The following AKAP6 variants were observed in gnomAD, a reference collection of about 807,000 sequenced individuals.
AKAP6 encodes the protein A-kinase anchoring protein 6, also known as A-kinase anchor protein 6.
In AKAP6, 58 loss-of-function variants were observed where a neutral mutation model predicts 188.5. The observed-to-expected ratio is 0.31, with a 90% CI of 0.25 to 0.38. AKAP6 has a LOEUF of 0.38. Among genes scored for constraint, AKAP6 ranks in the 10% least tolerant of loss-of-function variants. AKAP6 has a pLI of 1.00. For missense variants in AKAP6, 2,710 were observed against 2,740.0 expected (o/e 0.99, Z 0.24); for synonymous variants, 989 against 998.6 (o/e 0.99, Z 0.18).
rs998840816 is a variant in AKAP6 at position 32,837,629 on chromosome 14, A to G, written c.*7824A>G. On this transcript the variant is annotated 3_prime_UTR_variant, in exon 14 of 14. Coordinates refer to ENST00000280979, the MANE Select transcript of AKAP6 (RefSeq NM_004274.5). ...GTTTCATTTTAAAGTGTCTTTTTAT[A>G]TAGAAAGCCAAGTTGGTGGAATTTA... The G allele has an allele frequency of 4.6e-5, 7 of 152,232 alleles. No individual in the cohort carries two copies. The highest frequency in any genetic ancestry group is 1.7e-4 in the African/African-American group (7 of 41,466). 9.4% of individuals were successfully genotyped at this position (152,232 alleles called of 1,614,324 possible). A position where few individuals can be genotyped will look rare whatever the true frequency, so the allele number is the denominator to read the frequency against.
At chr14:32,760,007 C>A (rs1458252103) in intron 11 of AKAP6, among the ~76,000 whole-genome samples, 4 of 152,330 alleles carry the variant, frequency 2.6e-5, no homozygotes, top group African/African-American at 9.6e-5. Flanking sequence ...GTTACATTTT[C>A]AATCTTGTTT....
chr14:32,421,769 G>A (rs1889858650), intron 1 of AKAP6, among the ~76,000 whole-genome samples: 1 of 152,122 alleles, frequency 6.6e-6, no homozygotes, highest in Non-Finnish European at 1.5e-5. Context: ...TCACTGTAGG[G>A]TAATCTGGAT....
chr14:32,785,233 G>A (rs1478251751), intron 12 of AKAP6, among the ~76,000 whole-genome samples: 1 of 152,022 alleles, frequency 6.6e-6, no homozygotes, highest in East Asian at 1.9e-4. Context: ...AGAAATACAT[G>A]AATAGAATTA....
At chr14:32,480,864 C>G (rs1433232521) in intron 2 of AKAP6, among the ~76,000 whole-genome samples, 1 of 152,064 alleles carries the variant, frequency 6.6e-6, no homozygotes, top group Non-Finnish European at 1.5e-5. Flanking sequence ...CTTCAACACA[C>G]AATTCATATT....
At chr14:32,469,323 T>C (rs1292484661) in intron 2 of AKAP6, among the ~76,000 whole-genome samples, 1 of 152,086 alleles carries the variant, frequency 6.6e-6, no homozygotes, top group Non-Finnish European at 1.5e-5. Context: ...TCACTAGCAT[T>C]CCCCCAAGTA....
chr14:32,783,823 C>G (rs2033323761), intron 12 of AKAP6, among the ~76,000 whole-genome samples: 1 of 152,120 alleles, frequency 6.6e-6, no homozygotes, highest in African/African-American at 2.4e-5. Flanking sequence ...AACCTGGGAG[C>G]TCTGGCTTCA....
chr14:32,567,002 A>C (rs779752945), intron 4 of AKAP6, among the ~76,000 whole-genome samples: 2 of 152,108 alleles, frequency 1.3e-5, no homozygotes, highest in Non-Finnish European at 2.9e-5. Context: ...GAGCTCCTGC[A>C]GCCTGGAACT....
At position 32,829,902 on chromosome 14, in the gene AKAP6, C is replaced by G; in HGVS notation, c.*97C>G. The G allele has an allele frequency of 1.4e-6, 1 of 702,784 alleles. No individual in the cohort carries two copies. The highest frequency in any genetic ancestry group is 2.7e-5 in the East Asian group (1 of 37,288). The allele number at this position is 702,784 out of a possible 1,614,324, so 43.5% of individuals were successfully genotyped here. A position where few individuals can be genotyped will look rare whatever the true frequency, so the allele number is the denominator to read the frequency against. On this transcript the variant is annotated 3_prime_UTR_variant, in exon 14 of 14. Transcript: ENST00000280979. Reference sequence around the variant, plus strand: ...TCATCCTCCCGCCCTGGGCTGGCCTCTGGTTCCATCACGTTTGTCACTGCC... The same window carrying G: ...TCATCCTCCCGCCCTGGGCTGGCCTGTGGTTCCATCACGTTTGTCACTGCC...
At chr14:32,337,622 G>T (rs1347308584) in intron 1 of AKAP6, among the ~76,000 whole-genome samples, 1 of 151,834 alleles carries the variant, frequency 6.6e-6, no homozygotes, top group Non-Finnish European at 1.5e-5. Context: ...TGCACAATAT[G>T]CAGATTTGTT....
At chr14:32,662,272 G>C (rs1888737221) in intron 7 of AKAP6, among the ~76,000 whole-genome samples, 1 of 152,038 alleles carries the variant, frequency 6.6e-6, no homozygotes. Context: ...TAGAATGTTT[G>C]TCATTTTAAA....
chr14:32,699,909 C>T (rs753345733), intron 9 of AKAP6, among the ~76,000 whole-genome samples: 16 of 152,186 alleles, frequency 1.1e-4, no homozygotes, highest in South Asian at 2.1e-4. Flanking sequence ...AGAGTTACGA[C>T]GCCAGAATTC....
chr14:32,481,578 G>A (rs904734938), intron 2 of AKAP6, among the ~76,000 whole-genome samples: 11 of 152,212 alleles, frequency 7.2e-5, no homozygotes, highest in African/African-American at 1.4e-4. Flanking sequence ...TTATAAAACC[G>A]TCAGATCTTA....
rs2139157056 is a variant in AKAP6 at position 32,546,625 on chromosome 14, C to G, written c.1972C>G (p.Pro658Ala). ...CCTAACAAAGCTTCTGCCTCAGAAA[C>G]CCAGAGGAGAAACCATCCAGAATAT... ...ENLTKLLPQK[P>A]RGETIQNIDD... The change falls in exon 4 of 14, where the codon CCC becomes GCC. Residue 658 changes from proline (P) to alanine (A), a missense_variant. Physicochemically the swap from Pro to Ala is conservative, Grantham distance 27. Transcript: ENST00000280979. The G allele has an allele frequency of 6.2e-7, 1 of 1,614,114 alleles. No individual in the cohort carries two copies. Among genetic ancestry groups the G allele is most frequent in the South Asian group, 1.1e-5 (1 of 91,082 alleles).
chr14:32,738,821 T>G (rs1319917240), intron 11 of AKAP6, among the ~76,000 whole-genome samples: 1 of 152,164 alleles, frequency 6.6e-6, no homozygotes, highest in East Asian at 1.9e-4. Context: ...ATAATCTCTG[T>G]ATGAATTACT....
At position 32,526,986 on chromosome 14, in the gene AKAP6, C is replaced by T. The variant is rs537287854; in HGVS notation, c.325-8568C>T. 6.6e-5 allele frequency among the ~76,000 whole-genome samples: 10 copies of T among 152,268 alleles called. No individual in the cohort carries two copies. In the East Asian group the frequency reaches 1.9e-3, roughly 29 times the overall value. Reference sequence around the variant, plus strand: ...ATTATCACCCCAATTCCATAGTGTACATAGTGTACATTGGGTTCACTCTGT... The same window carrying T: ...ATTATCACCCCAATTCCATAGTGTATATAGTGTACATTGGGTTCACTCTGT... On this transcript the variant is annotated intron_variant, in intron 2 of 13. Transcript: ENST00000280979.
At chr14:32,368,767 A>G (rs1887914608) in intron 1 of AKAP6, among the ~76,000 whole-genome samples, 1 of 152,236 alleles carries the variant, frequency 6.6e-6, no homozygotes, top group East Asian at 1.9e-4. Context: ...CCTACTATGT[A>G]CTAGGTGCTG....
chr14:32,655,309 C>A (rs1888409773), intron 7 of AKAP6, among the ~76,000 whole-genome samples: 1 of 152,180 alleles, frequency 6.6e-6, no homozygotes. Context: ...GATTTCTCCA[C>A]TAGAGCGTAG....
intron 2 of AKAP6, among the ~76,000 whole-genome samples, chr14:32,440,587 C>T (rs1278341566): frequency 6.6e-6 from 1 of 152,060 alleles, no homozygotes; most frequent in East Asian, 1.9e-4. Context: ...TAGGCCATTC[C>T]CAACTTTCTT....
Position 32,746,839 on chromosome 14 carries a change from G to T in AKAP6, c.3372+10957G>T, listed in dbSNP as rs117526373. Among the ~76,000 whole-genome samples the T allele has an allele frequency of 1.4e-3, 211 of 152,262 alleles. 1 individual carries two copies. The highest frequency in any genetic ancestry group is 3.4e-3 in the Middle Eastern group (1 of 294). On this transcript the variant is annotated intron_variant, in intron 11 of 13. Coordinates refer to ENST00000280979, the MANE Select transcript of AKAP6 (RefSeq NM_004274.5). ...AGAAAAGCACATAGTTTGCTCTTTT[G>T]TTCCTTATTCCATTCTGAATACTTG...
Sources: gnomAD v4.1 joint callset for allele counts (sites outside exome capture counted in the v4.1 genomes callset) on GRCh38, gnomAD v4.1.1 for gene constraint, MANE v1.5 for transcripts, NCBI Gene and HGNC (gene_info 2026-07-23, HGNC 2026-07-21) for gene names.